The following CFTR variants were observed in gnomAD, a reference collection of about 807,000 sequenced individuals.
CFTR encodes CF transmembrane conductance regulator.
In CFTR, 181 loss-of-function variants were observed where a neutral mutation model predicts 171.6. That is an observed-to-expected ratio of 1.05 (90% CI 0.93 to 1.19). CFTR has a LOEUF of 1.19. Ranked by LOEUF, CFTR falls within the 50% of genes most tolerant of loss-of-function variation. The pLI is 0.00. For synonymous variants in CFTR, 583 were observed against 608.0 expected (o/e 0.96, Z 0.60); for missense variants, 1,968 against 1,734.7 (o/e 1.13, Z -2.39).
chr7:117,549,317 A>G (rs992994467), intron 10 of CFTR, among the ~76,000 whole-genome samples: 67 of 152,172 alleles, frequency 4.4e-4, no homozygotes, highest in African/African-American at 1.6e-3. Context: ...TTTTTTGAGG[A>G]AATACATAGG....
chr7:117,632,419 G>T (rs1046845964), intron 22 of CFTR, among the ~76,000 whole-genome samples: 3 of 151,770 alleles, frequency 2.0e-5, no homozygotes, highest in Admixed American at 2.0e-4. Flanking sequence ...CAAAAATTAG[G>T]TGGGCGTGTG....
intron 11 of CFTR, among the ~76,000 whole-genome samples, chr7:117,572,570 A>G (rs985937476): frequency 9.9e-5 from 15 of 152,170 alleles, no homozygotes; most frequent in Admixed American, 3.3e-4. Flanking sequence ...TAGTAGCTGT[A>G]TACAAAAATG....
At chr7:117,508,110 C>T (rs755949832) in intron 2 of CFTR, among the ~76,000 whole-genome samples, 14 of 152,320 alleles carry the variant, frequency 9.2e-5, no homozygotes, top group Non-Finnish European at 1.6e-4. Flanking sequence ...GCCATGTTTA[C>T]TTATGGTAAC....
chr7:117,585,143 A>G (rs1477318428), intron 11 of CFTR, among the ~76,000 whole-genome samples: 2 of 151,652 alleles, frequency 1.3e-5, no homozygotes, highest in Non-Finnish European at 2.9e-5. Context: ...ATAGATATCT[A>G]CTTCTACTTC....
At chr7:117,514,589 T>C (rs1798570858) in intron 3 of CFTR, among the ~76,000 whole-genome samples, 1 of 152,218 alleles carries the variant, frequency 6.6e-6, no homozygotes, top group Non-Finnish European at 1.5e-5. Context: ...TCCATGTCTT[T>C]GCTATTGTAA....
At chr7:117,558,539 G>A (rs1799399591) in intron 10 of CFTR, among the ~76,000 whole-genome samples, 1 of 143,314 alleles carries the variant, frequency 7.0e-6, no homozygotes, top group Admixed American at 6.8e-5. Context: ...GGGTGACAGA[G>A]TGAGACTCTG....
intron 24 of CFTR, among the ~76,000 whole-genome samples, chr7:117,663,380 A>G (rs547458955): frequency 6.6e-6 from 1 of 152,278 alleles, no homozygotes; most frequent in East Asian, 1.9e-4. Flanking sequence ...CTGCCATACC[A>G]GAAACCCTTC....
intron 11 of CFTR, among the ~76,000 whole-genome samples, chr7:117,574,507 C>T (rs978707478): frequency 1.3e-5 from 2 of 152,032 alleles, no homozygotes; most frequent in African/African-American, 4.8e-5. Flanking sequence ...CTCAGAACAT[C>T]AAATCTTCTC....
At chr7:117,535,187 G>A in intron 5 of CFTR, 61 bp from the exon 6 acceptor site, 1 of 1,555,076 alleles carries the variant, frequency 6.4e-7, no homozygotes, top group Non-Finnish European at 8.9e-7. Context: ...ATATATGATT[G>A]TTAGTTTCTA....
chr7:117,530,898 G>A lies in CFTR; in HGVS notation c.274-1G>A, dbSNP rs121908792. 6 of 1,597,730 alleles carry A rather than the reference G, an allele frequency of 3.8e-6. No homozygotes were observed. The Admixed American group carries it at 1.0e-4, about 27-fold the overall frequency. On this transcript the variant is annotated splice_acceptor_variant, in intron 3 of 26. Coordinates refer to ENST00000003084, the MANE Select transcript of CFTR (RefSeq NM_000492.4). LOFTEE classifies it high-confidence loss of function. ...ATTTCTCTGTTTTTCCCCTTTTGTA[G>A]GAAGTCACCAAAGCAGTACAGCCTC... is the stretch of plus-strand genomic sequence containing the variant.
At position 117,480,277 on chromosome 7, in the gene CFTR, A is replaced by C. The variant is rs1797981601; in HGVS notation, c.53+130A>C. On this transcript the variant is annotated intron_variant, in intron 1 of 26. Coordinates refer to ENST00000003084, the MANE Select transcript of CFTR (RefSeq NM_000492.4). ...GATGCGCTATCATTCATTGTTTTGAAAGAAAATGTGGGTATTGTAGAATAA... is the reference window on the plus strand; with the variant it reads ...GATGCGCTATCATTCATTGTTTTGACAGAAAATGTGGGTATTGTAGAATAA... 1.2e-5 allele frequency: 10 copies of C among 830,588 alleles called. No individual in the cohort carries two copies. The highest frequency in any genetic ancestry group is 2.1e-5 in the Non-Finnish European group (10 of 483,718). The allele number at this position is 830,588 out of a possible 1,614,324, so 51.5% of individuals were successfully genotyped here.
At chr7:117,626,299 T>C (rs1004786453) in intron 21 of CFTR, among the ~76,000 whole-genome samples, 1 of 152,052 alleles carries the variant, frequency 6.6e-6, no homozygotes, top group African/African-American at 2.4e-5. Context: ...ATATTAAAGA[T>C]GAAGAATTGT....
chr7:117,591,076 C>T (rs763036763), intron 13 of CFTR, among the ~76,000 whole-genome samples: 7 of 152,016 alleles, frequency 4.6e-5, no homozygotes, highest in Non-Finnish European at 1.0e-4. Context: ...TTATTATACT[C>T]TTCTAAAAAT....
chr7:117,495,079 A>G (rs900867830), intron 1 of CFTR, among the ~76,000 whole-genome samples: 1 of 152,140 alleles, frequency 6.6e-6, no homozygotes, highest in Non-Finnish European at 1.5e-5. Flanking sequence ...TTGGTTTCAA[A>G]TATATTTTTA....
chr7:117,508,071 G>T (rs35273275), intron 2 of CFTR, among the ~76,000 whole-genome samples: 1 of 152,126 alleles, frequency 6.6e-6, no homozygotes, highest in Non-Finnish European at 1.5e-5. Context: ...CCACTGCCCC[G>T]GCCTATTACT....
chr7:117,528,202 A>G (rs1798794345), intron 3 of CFTR, among the ~76,000 whole-genome samples: 1 of 91,104 alleles, frequency 1.1e-5, no homozygotes, highest in African/African-American at 4.0e-5. Flanking sequence ...GCCCTCAGAA[A>G]TAACGCCGCA....
At chr7:117,664,112 G>T (rs187374930) in intron 24 of CFTR, among the ~76,000 whole-genome samples, 129 of 152,168 alleles carry the variant, frequency 8.5e-4, no homozygotes, top group Non-Finnish European at 1.5e-3. Context: ...GAATTCAAGA[G>T]ATGAATAGCA....
At chr7:117,624,172 GA>G (rs1792618971) in intron 21 of CFTR, among the ~76,000 whole-genome samples, 1 of 152,182 alleles carries the variant, frequency 6.6e-6, no homozygotes, top group African/African-American at 2.4e-5. Flanking sequence ...CTGAGTGAAA[GA>G]AATAATATCA....
intron 23 of CFTR, among the ~76,000 whole-genome samples, chr7:117,647,719 C>A (rs943445937): frequency 2.6e-5 from 4 of 151,098 alleles, no homozygotes; most frequent in Non-Finnish European, 5.9e-5. Context: ...CATGGTCTTA[C>A]TATGTTCTAC....
Sources: allele counts gnomAD v4.1 joint callset (sites outside exome capture counted in the v4.1 genomes callset), GRCh38; gene constraint gnomAD v4.1.1; transcripts MANE v1.5; gene names NCBI Gene and HGNC (gene_info 2026-07-23, HGNC 2026-07-21).